PAX5: variants seen among roughly 807,000 people sequenced by gnomAD.
The protein encoded by PAX5 is paired box protein Pax-5.
Under a neutral mutation model 43.7 loss-of-function variants are expected in PAX5, and 9 were observed. That is an observed-to-expected ratio of 0.21 (90% CI 0.12 to 0.36). PAX5 has a LOEUF of 0.36. Ranked by LOEUF, PAX5 falls within the 10% of genes least tolerant of loss-of-function variation. The probability of loss-of-function intolerance (pLI) is 1.00; values close to 1 mark genes in which losing one functional copy is unlikely to be tolerated. For synonymous variants in PAX5, 228 were observed against 214.3 expected, an observed-to-expected ratio of 1.06 and a Z score of -0.56; for missense variants, 383 against 532.7, an observed-to-expected ratio of 0.72 and a Z score of 2.77.
intron 6 of PAX5, among the ~76,000 whole-genome samples, chr9:36,946,961 C>G (rs188000641): frequency 6.6e-4 from 101 of 152,268 alleles, no homozygotes; most frequent in African/African-American, 2.3e-3. Flanking sequence ...TCCCAAAAAC[C>G]CATTCTAAAC....
rs752114508 is a variant in PAX5 at position 36,909,814 on chromosome 9, ATTTTTT to A, written c.910+13535_910+13540del. ...TTTCCAAGAGAAGCTAGACATTTTA[ATTTTTT>A]TTTTTTTTTTTTTTTTTTAGATATA... is the stretch of plus-strand genomic sequence containing the variant. On this transcript the variant is annotated intron_variant, in intron 7 of 9. Transcript: ENST00000358127. Among the ~76,000 whole-genome samples the A allele has an allele frequency of 1.9e-4, 17 of 91,888 alleles. 1 individual carries two copies. The South Asian group carries it at 4.8e-3, about 26-fold the overall frequency. The allele number at this position is 91,888 out of a possible 152,430, so 60.3% of individuals were successfully genotyped here.
intron 4 of PAX5, among the ~76,000 whole-genome samples, chr9:37,004,138 G>A (rs149847851): frequency 1.2e-4 from 19 of 152,302 alleles, no homozygotes; most frequent in African/African-American, 3.9e-4. Flanking sequence ...GATTTCCCCC[G>A]CCCAGAAATA....
chr9:36,876,658 C>T (rs1450987067), intron 8 of PAX5, among the ~76,000 whole-genome samples: 2 of 152,220 alleles, frequency 1.3e-5, no homozygotes, highest in Admixed American at 1.3e-4. Context: ...AAATTTTCGG[C>T]ATTTTCTGGG....
At chr9:36,969,803 G>A (rs1031345759) in intron 5 of PAX5, among the ~76,000 whole-genome samples, 12 of 152,202 alleles carry the variant, frequency 7.9e-5, no homozygotes, top group Non-Finnish European at 1.6e-4. Flanking sequence ...CTGCCTCTCC[G>A]GGCATTCACC....
At chr9:36,980,305 G>C (rs2132271112) in intron 5 of PAX5, among the ~76,000 whole-genome samples, 1 of 152,360 alleles carries the variant, frequency 6.6e-6, no homozygotes, top group Non-Finnish European at 1.5e-5. Context: ...AGCTGGCAGA[G>C]TCTGCAAACA....
chr9:36,993,685 A>G (rs1275995067), intron 5 of PAX5, among the ~76,000 whole-genome samples: 6 of 152,216 alleles, frequency 3.9e-5, no homozygotes, highest in Non-Finnish European at 8.8e-5. Flanking sequence ...TCTCTTCCCC[A>G]TGGGGCAGCA....
At chr9:37,007,979 G>C (rs1461390012) in intron 3 of PAX5, 2 of 152,250 alleles carry the variant, frequency 1.3e-5, no homozygotes, top group East Asian at 3.9e-4. Flanking sequence ...TCCCAGGTTT[G>C]AGTGATTCTC....
At chr9:37,026,252 G>A (rs933857147) in intron 1 of PAX5, among the ~76,000 whole-genome samples, 1 of 152,238 alleles carries the variant, frequency 6.6e-6, no homozygotes, top group African/African-American at 2.4e-5. Flanking sequence ...TCCAAGCCAG[G>A]GTTCTCCGAA....
intron 1 of PAX5, among the ~76,000 whole-genome samples, chr9:37,033,740 A>AC (rs1023674859): frequency 6.6e-6 from 1 of 152,168 alleles, no homozygotes; most frequent in African/African-American, 2.4e-5. Flanking sequence ...TAACTTGCAG[A>AC]CCCCCGGAAG....
chr9:36,869,867 G>GATGA, intron 8 of PAX5, among the ~76,000 whole-genome samples: 1 of 143,004 alleles, frequency 7.0e-6, no homozygotes, highest in East Asian at 2.0e-4. Context: ...TGGATGGATG[G>GATGA]ATGGATAAAT....
chr9:36,920,461 A>G (rs1830077771), intron 7 of PAX5, among the ~76,000 whole-genome samples: 1 of 152,200 alleles, frequency 6.6e-6, no homozygotes, highest in African/African-American at 2.4e-5. Flanking sequence ...TCCACCAGCA[A>G]AAAGATGACT....
intron 8 of PAX5, among the ~76,000 whole-genome samples, chr9:36,868,199 A>G (rs1825087427): frequency 6.6e-6 from 1 of 152,264 alleles, no homozygotes; most frequent in African/African-American, 2.4e-5. Context: ...AGTAGCACTC[A>G]AGCCCTGTTT....
At chr9:36,994,290 T>C (rs1837201832) in intron 5 of PAX5, among the ~76,000 whole-genome samples, 1 of 151,970 alleles carries the variant, frequency 6.6e-6, no homozygotes, top group African/African-American at 2.4e-5. Flanking sequence ...GGAAACCAGG[T>C]CCTCACCATC....
At chr9:37,006,575 C>T in intron 3 of PAX5, 38 bp from the exon 4 acceptor site, 1 of 1,557,800 alleles carries the variant, frequency 6.4e-7, no homozygotes, top group South Asian at 1.1e-5. Context: ...TATTTACCAT[C>T]AGGAAGGAGA....
At chr9:36,967,805 CT>C (rs1834575675) in intron 5 of PAX5, among the ~76,000 whole-genome samples, 1 of 152,184 alleles carries the variant, frequency 6.6e-6, no homozygotes, top group Admixed American at 6.5e-5. Flanking sequence ...GAATGTACTG[CT>C]TATTACAAAA....
intron 5 of PAX5, among the ~76,000 whole-genome samples, chr9:36,996,508 C>T (rs186268532): frequency 6.6e-6 from 1 of 152,364 alleles, no homozygotes; most frequent in African/African-American, 2.4e-5. Context: ...CTGCCTATTA[C>T]TCCTGACTCA....
intron 3 of PAX5, among the ~76,000 whole-genome samples, chr9:37,012,677 C>T (rs749935448): frequency 5.3e-5 from 8 of 152,224 alleles, no homozygotes; most frequent in Non-Finnish European, 8.8e-5. Flanking sequence ...ACATTTCTTT[C>T]ACATCACTTC....
At chr9:36,937,881 C>T (rs1831695950) in intron 6 of PAX5, among the ~76,000 whole-genome samples, 1 of 152,176 alleles carries the variant, frequency 6.6e-6, no homozygotes, top group African/African-American at 2.4e-5. Flanking sequence ...AACATTAGTG[C>T]AAAACAATAG....
At chr9:36,993,742 A>T (rs868246034) in intron 5 of PAX5, among the ~76,000 whole-genome samples, 5 of 147,332 alleles carry the variant, frequency 3.4e-5, no homozygotes, top group African/African-American at 1.3e-4. Flanking sequence ...CTCAAGTTCC[A>T]GACCGCCTTG....
Sources: allele counts gnomAD v4.1 joint callset (sites outside exome capture counted in the v4.1 genomes callset), GRCh38; gene constraint gnomAD v4.1.1; transcripts MANE v1.5; gene names NCBI Gene and HGNC (gene_info 2026-07-23, HGNC 2026-07-21).